PCDH15: variants seen among roughly 807,000 people sequenced by gnomAD.
The protein encoded by PCDH15 is protocadherin related 15.
A neutral mutation model predicts 178.5 loss-of-function variants in PCDH15; 129 were observed. The ratio of observed to expected loss-of-function variants is 0.72; its 90% CI spans 0.63 to 0.84. PCDH15 has a LOEUF of 0.84. Ranked by LOEUF, PCDH15 falls within the 40% of genes least tolerant of loss-of-function variation. The pLI, the probability that PCDH15 is intolerant of heterozygous loss-of-function variation, is 0.00. For missense variants in PCDH15, 2,230 were observed against 2,099.9 expected (o/e 1.06, Z -1.21); for synonymous variants, 800 against 732.0 (o/e 1.09, Z -1.50).
intron 8 of PCDH15, among the ~76,000 whole-genome samples, chr10:54,316,529 TACACACACACACACACACAC>T (rs35604056): frequency 0.032 from 4,272 of 132,272 alleles, 211 homozygotes; most frequent in African/African-American, 0.11. Context: ...AATATGTGTA[TACACACACACACACACACAC>T]ACACACACAC....
intron 2 of PCDH15, among the ~76,000 whole-genome samples, chr10:55,113,753 T>C (rs1276051240): frequency 6.6e-6 from 1 of 152,100 alleles, no homozygotes; most frequent in African/African-American, 2.4e-5. Context: ...AGGCAGTTAA[T>C]CTAAAACCAG....
intron 2 of PCDH15, among the ~76,000 whole-genome samples, chr10:55,105,294 C>G (rs1235265966): frequency 6.6e-6 from 1 of 151,854 alleles, no homozygotes; most frequent in Non-Finnish European, 1.5e-5. Flanking sequence ...CATCTTTTTA[C>G]AAATTGTTGT....
At chr10:55,580,578 G>T (rs2132119681) in intron 2 of PCDH15, among the ~76,000 whole-genome samples, 1 of 151,908 alleles carries the variant, frequency 6.6e-6, no homozygotes, top group Non-Finnish European at 1.5e-5. Flanking sequence ...GGCTGGTCTG[G>T]TCTCAAACGC....
At chr10:54,474,113 A>G (rs1464656926) in intron 3 of PCDH15, among the ~76,000 whole-genome samples, 2 of 151,958 alleles carry the variant, frequency 1.3e-5, no homozygotes, top group Non-Finnish European at 1.5e-5. Context: ...TTGCAAAAAA[A>G]TTTGCAATAA....
chr10:53,911,810 C>T (rs2926399), intron 25 of PCDH15, among the ~76,000 whole-genome samples: 109,158 of 151,996 alleles, frequency 0.72, 39,589 homozygotes, highest in East Asian at 1. Context: ...TAATAGCCTA[C>T]CAACCAAAAA....
intron 2 of PCDH15, among the ~76,000 whole-genome samples, chr10:55,535,405 C>A (rs1322909146): frequency 1.3e-5 from 2 of 151,954 alleles, no homozygotes; most frequent in Non-Finnish European, 2.9e-5. Context: ...AAATCATAAT[C>A]TTTGGAGTCA....
chr10:54,904,258 T>C (rs1189744776), intron 2 of PCDH15, among the ~76,000 whole-genome samples: 1 of 152,118 alleles, frequency 6.6e-6, no homozygotes, highest in Non-Finnish European at 1.5e-5. Context: ...TATTACTATA[T>C]TTTAACTTTG....
At chr10:53,967,668 T>G (rs2089190277) in intron 21 of PCDH15, among the ~76,000 whole-genome samples, 1 of 152,206 alleles carries the variant, frequency 6.6e-6, no homozygotes, top group Admixed American at 6.5e-5. Context: ...AGTTAATGTT[T>G]CTTTCAATTA....
intron 2 of PCDH15, among the ~76,000 whole-genome samples, chr10:55,523,048 A>G (rs953927234): frequency 1.3e-5 from 2 of 151,710 alleles, no homozygotes; most frequent in Non-Finnish European, 3.0e-5. Context: ...TAAACTGATA[A>G]CAACTTCAAC....
At position 54,150,433 on chromosome 10, in the gene PCDH15, CT is replaced by C. The variant is rs551084942; in HGVS notation, c.1784+2666del. On this transcript the variant is annotated intron_variant, in intron 14 of 37. Coordinates refer to ENST00000644397, the MANE Select transcript of PCDH15 (RefSeq NM_001384140.1). ...GATCTCGTAAGATTCTTGAGACTTCCTTTTTTTTTTGAACTAATATTAGTAA... is the reference window on the plus strand; with the variant it reads ...GATCTCGTAAGATTCTTGAGACTTCCTTTTTTTTTGAACTAATATTAGTAA... Among the ~76,000 whole-genome samples the C allele has an allele frequency of 2.7e-3, 394 of 147,646 alleles. 4 individuals are homozygous for C. Among genetic ancestry groups the C allele is most frequent in the East Asian group, 0.016 (82 of 5,042 alleles).
intron 2 of PCDH15, among the ~76,000 whole-genome samples, chr10:55,327,631 A>C (rs1047256090): frequency 3.9e-5 from 6 of 152,094 alleles, no homozygotes; most frequent in Admixed American, 6.6e-5. Flanking sequence ...AGAGTAAAAA[A>C]AATCAGCATA....
intron 25 of PCDH15, among the ~76,000 whole-genome samples, chr10:53,926,665 C>T (rs904214984): frequency 6.6e-6 from 1 of 152,170 alleles, no homozygotes; most frequent in African/African-American, 2.4e-5. Flanking sequence ...CCACCTTGGG[C>T]ACATGTTCTA....
chr10:53,901,896 T>C (rs1362679050), intron 26 of PCDH15, among the ~76,000 whole-genome samples: 1 of 152,216 alleles, frequency 6.6e-6, no homozygotes, highest in Non-Finnish European at 1.5e-5. Flanking sequence ...ACTTTTTTGT[T>C]TCCTTAGAAT....
intron 3 of PCDH15, among the ~76,000 whole-genome samples, chr10:54,885,905 C>T (rs572253510): frequency 1.1e-4 from 16 of 152,140 alleles, no homozygotes; most frequent in South Asian, 4.1e-4. Context: ...CACCCAGTTA[C>T]GCTTTCCTTA....
In PCDH15 at chr10:55,145,406, G is replaced by A. The variant is rs560195498; in HGVS notation, c.-80+21170C>T. ...AAAAATTGGAATAAATATATTGCAG[G>A]TGATTTTATGTTTCTTTCCTTGTGT... On this transcript the variant is annotated intron_variant, in intron 2 of 5. Coordinates refer to the PCDH15 transcript ENST00000458638. 1.5e-4 allele frequency among the ~76,000 whole-genome samples: 23 copies of A among 152,114 alleles called. No individual in the cohort carries two copies. In the South Asian group the frequency reaches 4.4e-3, roughly 29 times the overall value.
rs1185880725 is a variant in PCDH15 at position 55,489,085 on chromosome 10, A to G, written c.-156+138540T>C. 2.6e-5 allele frequency among the ~76,000 whole-genome samples: 4 copies of G among 151,662 alleles called. No homozygotes were observed. The South Asian group carries it at 8.3e-4, about 31-fold the overall frequency. On this transcript the variant is annotated intron_variant, in intron 2 of 5. Transcript: ENST00000613346. ...TTTCCATATACTCAACTCAATATAA[A>G]TCAATTATTTAAGAGACATATACAA...
intron 2 of PCDH15, among the ~76,000 whole-genome samples, chr10:55,484,981 A>AT (rs969646769): frequency 5.3e-5 from 8 of 151,736 alleles, no homozygotes; most frequent in African/African-American, 9.7e-5. Flanking sequence ...CTGGGGAAGG[A>AT]TTTTTTTGTC....
In PCDH15 at chr10:54,378,803, G is replaced by C. The variant is rs762026724; in HGVS notation, c.297C>G (p.Thr99=). 1 of 1,613,612 alleles carries C rather than the reference G, an allele frequency of 6.2e-7. No homozygotes were observed. The highest frequency in any genetic ancestry group is 1.1e-5 in the South Asian group (1 of 91,068). The change falls in exon 4 of 38, where the codon ACC becomes ACG. Residue 99 remains threonine, a synonymous_variant. Coordinates refer to ENST00000644397, the MANE Select transcript of PCDH15 (RefSeq NM_001384140.1). ...TAACATCTCTATCCAGAACTCTTCC[G>C]GTGCTGTTCAGGAAAAGCATTTGCT... ...PVKQMLFLNS[T]GRVLDRDPPM...
At chr10:54,949,482 C>T (rs527703775) in intron 2 of PCDH15, among the ~76,000 whole-genome samples, 1 of 152,090 alleles carries the variant, frequency 6.6e-6, no homozygotes, top group Admixed American at 6.6e-5. Flanking sequence ...AGACCCCTGA[C>T]ATGCCCTGGA....
Sources: allele counts gnomAD v4.1 joint callset (sites outside exome capture counted in the v4.1 genomes callset), GRCh38; gene constraint gnomAD v4.1.1; transcripts MANE v1.5; gene names NCBI Gene and HGNC (gene_info 2026-07-23, HGNC 2026-07-21).